NHSL1: variants seen among roughly 807,000 people sequenced by gnomAD.
NHSL1 encodes NHS like 1.
Under a neutral mutation model 95.0 loss-of-function variants are expected in NHSL1, and 48 were observed. The observed-to-expected ratio is 0.51, with a 90% confidence interval of 0.40 to 0.64. The LOEUF is 0.64. Ranked by LOEUF, NHSL1 falls within the 30% of genes least tolerant of loss-of-function variation. The pLI is 0.00. For synonymous variants in NHSL1, 783 were observed against 833.9 expected, an observed-to-expected ratio of 0.94 and a Z score of 1.05; for missense variants, 1,971 against 2,077.7, an observed-to-expected ratio of 0.95 and a Z score of 1.00.
At chr6:138,497,614 A>C (rs1264115243) in intron 1 of NHSL1, among the ~76,000 whole-genome samples, 1 of 152,206 alleles carries the variant, frequency 6.6e-6, no homozygotes, top group African/African-American at 2.4e-5. Context: ...TATTAGGGCT[A>C]CTCTAAAGAT....
chr6:138,581,455 G>C (rs1054201748), intron 1 of NHSL1, among the ~76,000 whole-genome samples: 12 of 152,034 alleles, frequency 7.9e-5, no homozygotes, highest in Middle Eastern at 6.3e-3. Flanking sequence ...AGTTTGGGAG[G>C]CCGAGGTGAG....
intron 3 of NHSL1, among the ~76,000 whole-genome samples, chr6:138,468,580 A>ATCAG (rs1778542374): frequency 6.6e-6 from 1 of 152,178 alleles, no homozygotes; most frequent in African/African-American, 2.4e-5. Flanking sequence ...ATGAGACTCT[A>ATCAG]ACTAATGTCT....
intron 2 of NHSL1, among the ~76,000 whole-genome samples, chr6:138,494,869 T>A (rs932813024): frequency 6.6e-6 from 1 of 152,240 alleles, no homozygotes; most frequent in Non-Finnish European, 1.5e-5. Context: ...TACAAGTCAC[T>A]CCTTCCTCTT....
At chr6:138,691,985 G>A (rs746963904) in intron 1 of NHSL1, 3 of 456,706 alleles carry the variant, frequency 6.6e-6, no homozygotes, top group South Asian at 3.1e-5. Context: ...GGCGGGAAGA[G>A]AGGTGGCAAG....
At chr6:138,648,710 C>T (rs914169900) in intron 1 of NHSL1, among the ~76,000 whole-genome samples, 3 of 152,190 alleles carry the variant, frequency 2.0e-5, no homozygotes, top group Non-Finnish European at 4.4e-5. Flanking sequence ...GGTGTAAATA[C>T]TGAAAGCAGT....
At chr6:138,625,959 TG>T (rs1784732529) in intron 1 of NHSL1, among the ~76,000 whole-genome samples, 1 of 152,244 alleles carries the variant, frequency 6.6e-6, no homozygotes, top group Admixed American at 6.5e-5. Flanking sequence ...ATTTGTTGAA[TG>T]AAAGTTGTTT....
intron 5 of NHSL1, 137 bp from the exon 6 acceptor site, chr6:138,433,817 G>A (rs1178886723): frequency 7.8e-7 from 1 of 1,280,984 alleles, no homozygotes; most frequent in Non-Finnish European, 1.0e-6. Context: ...AGGTATCTAA[G>A]TACATTTAAA....
chr6:138,609,749 C>CAAAAAAAAAAAAAAAA (rs10687521), intron 1 of NHSL1, among the ~76,000 whole-genome samples: 91 of 106,206 alleles, frequency 8.6e-4, no homozygotes, highest in African/African-American at 2.9e-3. Flanking sequence ...GACTCTGTCT[C>CAAAAAAAAAAAAAAAA]AAAAAAAAAA....
At chr6:138,672,521 G>A (rs907420660) in intron 1 of NHSL1, among the ~76,000 whole-genome samples, 1 of 152,118 alleles carries the variant, frequency 6.6e-6, no homozygotes, top group Non-Finnish European at 1.5e-5. Context: ...CTCAGTCTAG[G>A]TCTGTGAAGC....
At chr6:138,443,808 C>T (rs750352255) in intron 4 of NHSL1, among the ~76,000 whole-genome samples, 12 of 152,016 alleles carry the variant, frequency 7.9e-5, no homozygotes, top group South Asian at 2.1e-4. Context: ...CCAGCATGGG[C>T]GACAGAGTGA....
intron 1 of NHSL1, among the ~76,000 whole-genome samples, chr6:138,559,144 A>G (rs1783316160): frequency 6.6e-6 from 1 of 152,264 alleles, no homozygotes; most frequent in Non-Finnish European, 1.5e-5. Flanking sequence ...CTAGAATCCA[A>G]AAATTGGAAG....
At chr6:138,476,589 G>A (rs1312036434) in intron 2 of NHSL1, among the ~76,000 whole-genome samples, 1 of 152,078 alleles carries the variant, frequency 6.6e-6, no homozygotes, top group Non-Finnish European at 1.5e-5. Context: ...CACTATGGGA[G>A]GCCGAGGCAG....
chr6:138,433,018 A>G lies in NHSL1; in HGVS notation c.1327T>C (p.Ser443Pro). 1 of 1,551,636 alleles carries G rather than the reference A, an allele frequency of 6.4e-7. No individual in the cohort carries two copies. Among genetic ancestry groups the G allele is most frequent in the Non-Finnish European group, 8.7e-7 (1 of 1,146,984 alleles). ...AGQRESKSSGSSHARIKSRDH... is the reference protein window; with the variant it reads ...AGQRESKSSGPSHARIKSRDH... ...CTGGATTTTATCCTTGCATGTGATG[A>G]GCCAGAACTTTTACTTTCCCGCTGT... The change falls in exon 6 of 8, where the codon TCA (serine) becomes CCA (proline). Residue 443 changes from serine (S) to proline (P), a missense_variant. Transcript: ENST00000343505.
intron 1 of NHSL1, among the ~76,000 whole-genome samples, chr6:138,628,109 T>G (rs1297923788): frequency 6.6e-6 from 1 of 151,284 alleles, no homozygotes; most frequent in Non-Finnish European, 1.5e-5. Context: ...AGTTGGGAGT[T>G]CGAGACCAGC....
chr6:138,619,596 G>A (rs1784626466), intron 1 of NHSL1, among the ~76,000 whole-genome samples: 2 of 152,176 alleles, frequency 1.3e-5, no homozygotes, highest in Admixed American at 6.5e-5. Context: ...AGTTTGAGGA[G>A]TGTACAAATA....
At chr6:138,619,605 T>C (rs1784626679) in intron 1 of NHSL1, among the ~76,000 whole-genome samples, 1 of 152,116 alleles carries the variant, frequency 6.6e-6, no homozygotes, top group Non-Finnish European at 1.5e-5. Flanking sequence ...AGTGTACAAA[T>C]AGTACATTCT....
chr6:138,508,831 G>A (rs1391340480), intron 1 of NHSL1, among the ~76,000 whole-genome samples: 1 of 152,070 alleles, frequency 6.6e-6, no homozygotes. Flanking sequence ...CCCCCAAAGT[G>A]AGCTATGCCT....
At chr6:138,499,118 C>A (rs1239899425) in intron 1 of NHSL1, 115 bp downstream of exon 1, 4 of 712,884 alleles carry the variant, frequency 5.6e-6, no homozygotes, top group Admixed American at 2.7e-5. Context: ...AACGAAGGAC[C>A]TAAAACACAC....
intron 1 of NHSL1, among the ~76,000 whole-genome samples, chr6:138,583,319 T>G (rs538530153): frequency 6.6e-6 from 1 of 152,118 alleles, no homozygotes; most frequent in African/African-American, 2.4e-5. Context: ...CCCAGCATCA[T>G]GGGGAAGGGA....
Sources: gnomAD v4.1 joint callset for allele counts (sites outside exome capture counted in the v4.1 genomes callset) on GRCh38, gnomAD v4.1.1 for gene constraint, MANE v1.5 for transcripts, NCBI Gene and HGNC (gene_info 2026-07-23, HGNC 2026-07-21) for gene names.